COBL: variants seen among roughly 807,000 people sequenced by gnomAD.
The protein encoded by COBL is protein cordon-bleu.
Under a neutral mutation model 98.8 loss-of-function variants are expected in COBL, and 51 were observed. The observed-to-expected ratio is 0.52, with a 90% CI of 0.41 to 0.65. The LOEUF is 0.65. COBL is among the 30% of genes least tolerant of loss of function. The probability of loss-of-function intolerance (pLI) is 0.00; values close to 1 mark genes in which losing one functional copy is unlikely to be tolerated. For synonymous variants in COBL, 634 were observed against 651.7 expected (o/e 0.97, Z 0.41); for missense variants, 1,617 against 1,617.5 (o/e 1.00, Z 0.01).
intron 1 of COBL, among the ~76,000 whole-genome samples, chr7:51,310,716 G>A (rs1353417090): frequency 6.6e-6 from 1 of 152,212 alleles, no homozygotes; most frequent in African/African-American, 2.4e-5. Flanking sequence ...GTGGAGTGCA[G>A]TGGCACAATC....
At chr7:51,294,640 T>C (rs1327210810) in intron 1 of COBL, among the ~76,000 whole-genome samples, 2 of 93,524 alleles carry the variant, frequency 2.1e-5, no homozygotes, top group African/African-American at 4.3e-5. Flanking sequence ...TGAAACTCCA[T>C]CTCAAAAAAA....
chr7:51,280,544 G>A (rs922372202), intron 1 of COBL, among the ~76,000 whole-genome samples: 10 of 152,196 alleles, frequency 6.6e-5, no homozygotes, highest in African/African-American at 2.2e-4. Flanking sequence ...GCTTTGCCCC[G>A]TCTGTAGGTG....
At chr7:51,194,105 A>G (rs1790377464) in intron 2 of COBL, among the ~76,000 whole-genome samples, 1 of 151,402 alleles carries the variant, frequency 6.6e-6, no homozygotes, top group Non-Finnish European at 1.5e-5. Flanking sequence ...CCCTCCTCCC[A>G]CCCTCCATCC....
chr7:51,234,630 G>T (rs1385728951), intron 1 of COBL, among the ~76,000 whole-genome samples: 1 of 151,026 alleles, frequency 6.6e-6, no homozygotes, highest in Admixed American at 6.6e-5. Flanking sequence ...GGGCCCAGGA[G>T]GTGGAGGCTG....
chr7:51,121,379 T>C (rs996520373), intron 6 of COBL, among the ~76,000 whole-genome samples: 12 of 152,368 alleles, frequency 7.9e-5, no homozygotes, highest in Admixed American at 7.2e-4. Flanking sequence ...TTGTTTTTTG[T>C]TGTTGAGTTG....
chr7:51,270,139 G>C (rs910270766), intron 1 of COBL, among the ~76,000 whole-genome samples: 3 of 152,214 alleles, frequency 2.0e-5, no homozygotes, highest in Non-Finnish European at 4.4e-5. Flanking sequence ...GACAGGAGCT[G>C]AATCTGGACA....
intron 6 of COBL, among the ~76,000 whole-genome samples, chr7:51,133,070 C>A (rs1002998814): frequency 2.0e-5 from 3 of 152,108 alleles, no homozygotes; most frequent in Non-Finnish European, 4.4e-5. Flanking sequence ...GCAAGAGCAG[C>A]GAGCAAGAAT....
intron 4 of COBL, among the ~76,000 whole-genome samples, chr7:51,187,325 T>TACAC (rs1343238685): frequency 1.2e-4 from 16 of 136,200 alleles, no homozygotes; most frequent in African/African-American, 5.1e-4. Flanking sequence ...TATATATATA[T>TACAC]ATATATACAC....
At chr7:51,248,798 G>A (rs942282388) in intron 1 of COBL, among the ~76,000 whole-genome samples, 1 of 152,084 alleles carries the variant, frequency 6.6e-6, no homozygotes, top group Non-Finnish European at 1.5e-5. Flanking sequence ...ACAGAATAAT[G>A]GGCATAGGCA....
At chr7:51,267,510 G>A (rs182914102) in intron 1 of COBL, among the ~76,000 whole-genome samples, 161 of 151,970 alleles carry the variant, frequency 1.1e-3, no homozygotes, top group Non-Finnish European at 1.8e-3. Context: ...AGTATATTGA[G>A]AGTATATTAT....
intron 7 of COBL, among the ~76,000 whole-genome samples, chr7:51,047,153 CTT>C (rs1298327171): frequency 1.3e-5 from 2 of 152,208 alleles, no homozygotes; most frequent in Non-Finnish European, 2.9e-5. Flanking sequence ...TGAACAATCT[CTT>C]TGAACTAAAA....
At chr7:51,299,717 T>C (rs1801741891) in intron 1 of COBL, among the ~76,000 whole-genome samples, 1 of 152,176 alleles carries the variant, frequency 6.6e-6, no homozygotes, top group South Asian at 2.1e-4. Flanking sequence ...GCTCAACCTC[T>C]CTGACACTCA....
At chr7:51,272,609 CTCT>C (rs1798864718) in intron 1 of COBL, among the ~76,000 whole-genome samples, 1 of 152,178 alleles carries the variant, frequency 6.6e-6, no homozygotes, top group African/African-American at 2.4e-5. Flanking sequence ...TAATCCATGG[CTCT>C]TCAAGTTCCA....
At chr7:51,152,093 G>C (rs1292785749) in intron 5 of COBL, among the ~76,000 whole-genome samples, 4 of 152,166 alleles carry the variant, frequency 2.6e-5, no homozygotes, top group Non-Finnish European at 5.9e-5. Flanking sequence ...TGCCTTAAAG[G>C]TTTAAGGACT....
intron 7 of COBL, among the ~76,000 whole-genome samples, chr7:51,044,338 C>G (rs1789491080): frequency 6.6e-6 from 1 of 152,132 alleles, no homozygotes; most frequent in Admixed American, 6.5e-5. Context: ...TTCTGTCAAG[C>G]CTTAATACTA....
At chr7:51,092,334 T>C (rs1794891285) in intron 6 of COBL, among the ~76,000 whole-genome samples, 1 of 152,252 alleles carries the variant, frequency 6.6e-6, no homozygotes, top group African/African-American at 2.4e-5. Context: ...TGAAGTCGAC[T>C]CATTCAATAA....
At chr7:51,040,308 A>G (rs1424585704) in intron 8 of COBL, among the ~76,000 whole-genome samples, 1 of 152,010 alleles carries the variant, frequency 6.6e-6, no homozygotes, top group East Asian at 1.9e-4. Flanking sequence ...ATTCCATGCA[A>G]GGGCAGAGTC....
chr7:51,146,471 G>A (rs1260558557), intron 5 of COBL, among the ~76,000 whole-genome samples: 1 of 152,054 alleles, frequency 6.6e-6, no homozygotes, highest in African/African-American at 2.4e-5. Flanking sequence ...AGGTTCTCTT[G>A]GCAATCTTGT....
intron 6 of COBL, among the ~76,000 whole-genome samples, chr7:51,135,544 T>C (rs971188804): frequency 1.3e-5 from 2 of 152,156 alleles, no homozygotes; most frequent in African/African-American, 4.8e-5. Flanking sequence ...TGGTATCTGC[T>C]GCTATAACTT....
Sources: allele counts gnomAD v4.1 joint callset (sites outside exome capture counted in the v4.1 genomes callset), GRCh38; gene constraint gnomAD v4.1.1; transcripts MANE v1.5; gene names NCBI Gene and HGNC (gene_info 2026-07-23, HGNC 2026-07-21).